The following RCHY1 variants were observed in gnomAD, a reference collection of about 807,000 sequenced individuals.
RCHY1 encodes ring finger and CHY zinc finger domain containing 1.
A neutral mutation model predicts 41.6 loss-of-function variants in RCHY1; 21 were observed. The ratio of observed to expected loss-of-function variants is 0.51; its 90% CI spans 0.36 to 0.73. The LOEUF is 0.73. Among genes scored for constraint, RCHY1 ranks in the 30% least tolerant of loss-of-function variants. The pLI is 0.00. For missense variants in RCHY1, 265 were observed against 325.3 expected (o/e 0.81, Z 1.43); for synonymous variants, 79 against 102.9 (o/e 0.77, Z 1.41).
chr4:75,510,801 T>C (rs972098128), intron 1 of RCHY1, among the ~76,000 whole-genome samples: 11 of 152,210 alleles, frequency 7.2e-5, no homozygotes, highest in African/African-American at 2.4e-4. Context: ...TCATTACTTG[T>C]TAACATAAAT....
intron 8 of RCHY1, among the ~76,000 whole-genome samples, chr4:75,483,261 A>T (rs1362715041): frequency 6.6e-6 from 1 of 152,248 alleles, no homozygotes; most frequent in African/African-American, 2.4e-5. Context: ...CTGAAAAATA[A>T]CAAAGGTGTT....
In RCHY1 at chr4:75,509,208, A is replaced by G. The variant is rs1724631925; in HGVS notation, c.179T>C (p.Val60Ala). Residue 60 changes from valine (V) to alanine (A), a missense_variant, in exon 2 of 9, where the codon GTG (valine) becomes GCG (alanine). Val to Ala is a moderately conservative substitution (Grantham distance 64). Transcript: ENST00000324439. ...HQLDRFKVKE[V>A]QCINCEKIQH... ...AATTTTTTCACAGTTTATGCACTGC[A>G]CTTCCTTCACTTTAAAGCGATCTAG... 1 of 1,612,830 alleles carries G rather than the reference A, an allele frequency of 6.2e-7. No homozygotes were observed. The highest frequency in any genetic ancestry group is 1.3e-5 in the African/African-American group (1 of 74,904).
intron 3 of RCHY1, among the ~76,000 whole-genome samples, chr4:75,503,240 G>GA (rs959903160): frequency 1.3e-5 from 2 of 152,062 alleles, no homozygotes; most frequent in Non-Finnish European, 2.9e-5. Flanking sequence ...TATCACCTGG[G>GA]AAAAAACTCT....
chr4:75,505,548 A>G (rs1482132524), intron 3 of RCHY1, among the ~76,000 whole-genome samples: 3 of 152,012 alleles, frequency 2.0e-5, no homozygotes, highest in African/African-American at 7.3e-5. Flanking sequence ...AAATAACACT[A>G]CAAAAGTGAA....
At chr4:75,506,004 C>A (rs527397725) in intron 3 of RCHY1, among the ~76,000 whole-genome samples, 1 of 151,626 alleles carries the variant, frequency 6.6e-6, no homozygotes, top group African/African-American at 2.4e-5. Context: ...AATTTGGAGT[C>A]CAGATTCCAC....
At position 75,479,710 on chromosome 4, in the gene RCHY1, G is replaced by C. The variant is rs866165721; in HGVS notation, c.*2828C>G. The C allele has an allele frequency of 6.6e-6, 1 of 151,924 alleles. No homozygotes were observed. Among genetic ancestry groups the C allele is most frequent in the African/African-American group, 2.4e-5 (1 of 41,362 alleles). 9.4% of individuals were successfully genotyped at this position (151,924 alleles called of 1,614,324 possible). On this transcript the variant is annotated 3_prime_UTR_variant, in exon 9 of 9. Transcript: ENST00000324439. ...GCTATGCACCAAAAAATTCGTAAGG[G>C]TATTGTTATTTTACTTTTTTCAAAA...
chr4:75,509,104 C>T (rs1724614117), intron 2 of RCHY1, 73 bp downstream of exon 2: 1 of 1,419,074 alleles, frequency 7.0e-7, no homozygotes, highest in Non-Finnish European at 9.6e-7. Flanking sequence ...ATTTATGATA[C>T]TTTTGATTAA....
At chr4:75,501,184 T>C (rs1723720686) in intron 3 of RCHY1, among the ~76,000 whole-genome samples, 1 of 152,176 alleles carries the variant, frequency 6.6e-6, no homozygotes, top group African/African-American at 2.4e-5. Flanking sequence ...TAATTTTGTA[T>C]TTTTAGTAGA....
intron 3 of RCHY1, among the ~76,000 whole-genome samples, chr4:75,507,068 ATTTT>A (rs1724391946): frequency 6.6e-6 from 1 of 152,036 alleles, no homozygotes; most frequent in Non-Finnish European, 1.5e-5. Flanking sequence ...AAAAAAAGAC[ATTTT>A]TCAGAGACAA....
intron 1 of RCHY1, among the ~76,000 whole-genome samples, chr4:75,513,408 C>T (rs1725159312): frequency 6.6e-6 from 1 of 152,152 alleles, no homozygotes; most frequent in African/African-American, 2.4e-5. Flanking sequence ...TCCTCATACA[C>T]TTTTATGAAA....
chr4:75,503,822 T>C (rs1256760734), intron 3 of RCHY1, among the ~76,000 whole-genome samples: 2 of 152,216 alleles, frequency 1.3e-5, no homozygotes, highest in African/African-American at 4.8e-5. Context: ...ATAATATTCT[T>C]CCATCTTTTA....
rs753968715 is a variant in RCHY1 at position 75,490,676 on chromosome 4, G to A, written c.562C>T (p.His188Tyr). The change falls in exon 8 of 9, where the codon CAC (histidine) becomes TAC (tyrosine). Residue 188 changes from histidine (H) to tyrosine (Y), a missense_variant. Transcript: ENST00000324439. ...KEGYRCPLCM[H>Y]SALDMTRYWR... is the part of the protein sequence containing the mutation. The stretch of plus-strand genomic sequence containing the variant: ...TACCTGGTCATATCTAAAGCAGAGT[G>A]CATACATAATGGACATCTGTAGCCT... 3.7e-6 allele frequency: 6 copies of A among 1,608,698 alleles called. No homozygotes were observed. The South Asian group carries it at 6.6e-5, about 18-fold the overall frequency.
chr4:75,494,467 C>A (rs1723009070), intron 3 of RCHY1: 1 of 298,426 alleles, frequency 3.4e-6, no homozygotes, highest in African/African-American at 2.2e-5. Context: ...TTAATGGATT[C>A]TTTCTACAGA....
intron 8 of RCHY1, among the ~76,000 whole-genome samples, chr4:75,483,360 C>T (rs1721691766): frequency 6.6e-6 from 1 of 152,074 alleles, no homozygotes; most frequent in Non-Finnish European, 1.5e-5. Context: ...CAAATTTGCT[C>T]TAAATTATAA....
In RCHY1 at chr4:75,512,149, C is replaced by T. The variant is rs1252868378; in HGVS notation, c.90+2048G>A. 3.3e-5 allele frequency among the ~76,000 whole-genome samples: 5 copies of T among 152,298 alleles called. No homozygotes were observed. In the East Asian group the frequency reaches 9.7e-4, roughly 29 times the overall value. ...TAGAGAAAAAGCATCACCGTCCTTG[C>T]TGGTTCATATGAGGTGGACACTTAC... On this transcript the variant is annotated intron_variant, in intron 1 of 8. Coordinates refer to ENST00000324439, the MANE Select transcript of RCHY1 (RefSeq NM_015436.4).
At chr4:75,491,828 C>T in intron 5 of RCHY1, 46 bp from the exon 6 acceptor site, 2 of 1,601,892 alleles carry the variant, frequency 1.2e-6, no homozygotes, top group Non-Finnish European at 1.7e-6. Context: ...ACAATATAAA[C>T]ATCCAAGTAT....
At chr4:75,491,224 T>A (rs993722461) in intron 7 of RCHY1, 2 of 169,944 alleles carry the variant, frequency 1.2e-5, no homozygotes, top group African/African-American at 4.8e-5. Context: ...GCTTTAATGA[T>A]CACTTCACCT....
Position 75,481,745 on chromosome 4 carries a change from A to G in RCHY1, c.*793T>C, listed in dbSNP as rs1721540661. ...TCTAGAAACATATCTGCCACATAGC[A>G]GTTGCTCAATAAATACTTGCTAAAT... On this transcript the variant is annotated 3_prime_UTR_variant, in exon 9 of 9. Transcript: ENST00000324439. 6.6e-6 allele frequency: 1 copy of G among 152,216 alleles called. No homozygotes were observed. The allele number at this position is 152,216 out of a possible 1,614,324, so 9.4% of individuals were successfully genotyped here. A position where few individuals can be genotyped will look rare whatever the true frequency, so the allele number is the denominator to read the frequency against.
At chr4:75,490,259 G>T (rs1375597951) in intron 8 of RCHY1, among the ~76,000 whole-genome samples, 3 of 151,934 alleles carry the variant, frequency 2.0e-5, no homozygotes, top group Admixed American at 2.0e-4. Context: ...TACTTAAAAA[G>T]TCCCACCAGT....
Sources: gnomAD v4.1 joint callset for allele counts (sites outside exome capture counted in the v4.1 genomes callset) on GRCh38, gnomAD v4.1.1 for gene constraint, MANE v1.5 for transcripts, NCBI Gene and HGNC (gene_info 2026-07-23, HGNC 2026-07-21) for gene names.